The following VPS13B variants were observed in gnomAD, a reference collection of about 807,000 sequenced individuals.
VPS13B encodes the protein intermembrane lipid transfer protein VPS13B.
In VPS13B, 285 loss-of-function variants were observed where a neutral mutation model predicts 426.4. The observed-to-expected ratio is 0.67, with a 90% CI of 0.61 to 0.74. VPS13B has a LOEUF of 0.74. Ranked by LOEUF, VPS13B falls within the 30% of genes least tolerant of loss-of-function variation. The probability of loss-of-function intolerance (pLI) is 0.00; values close to 1 mark genes in which losing one functional copy is unlikely to be tolerated. For synonymous variants in VPS13B, 1,676 were observed against 1,676.4 expected, an observed-to-expected ratio of 1.00 and a Z score of 0.01; for missense variants, 4,537 against 4,782.6, an observed-to-expected ratio of 0.95 and a Z score of 1.51.
chr8:99,226,485 T>G lies in VPS13B; in HGVS notation c.2515+33428T>G, dbSNP rs181452000. 3.3e-3 allele frequency among the ~76,000 whole-genome samples: 501 copies of G among 152,316 alleles called. 3 individuals carry two copies. Among genetic ancestry groups the G allele is most frequent in the Non-Finnish European group, 4.9e-3 (336 of 68,026 alleles). ...CTTTTTTAAAGAAATTCATTAACACTTGAAATTTAGGTGATTTATTGTTTC... is the reference window on the plus strand; with the variant it reads ...CTTTTTTAAAGAAATTCATTAACACGTGAAATTTAGGTGATTTATTGTTTC... On this transcript the variant is annotated intron_variant, in intron 17 of 61. Coordinates refer to ENST00000357162, the MANE Select transcript of VPS13B (RefSeq NM_152564.5).
At chr8:99,668,116 G>T (rs1316769671) in intron 35 of VPS13B, among the ~76,000 whole-genome samples, 1 of 152,060 alleles carries the variant, frequency 6.6e-6, no homozygotes, top group East Asian at 1.9e-4. Flanking sequence ...TCATTCCAGA[G>T]AATGTCTTGA....
intron 54 of VPS13B, among the ~76,000 whole-genome samples, chr8:99,847,543 C>T (rs1816046328): frequency 6.6e-6 from 1 of 152,062 alleles, no homozygotes; most frequent in Admixed American, 6.6e-5. Flanking sequence ...TAGTGAGTGG[C>T]AGGCAAGGGC....
At chr8:99,138,406 C>T (rs1474828341) in intron 12 of VPS13B, among the ~76,000 whole-genome samples, 3 of 152,216 alleles carry the variant, frequency 2.0e-5, no homozygotes, top group African/African-American at 7.2e-5. Flanking sequence ...GGATTATAGG[C>T]GTGAGCCACC....
intron 25 of VPS13B, among the ~76,000 whole-genome samples, chr8:99,484,315 G>A (rs1203362452): frequency 6.6e-6 from 1 of 152,076 alleles, no homozygotes; most frequent in East Asian, 1.9e-4. Context: ...AATGCTCATA[G>A]TAGATTTGTT....
At chr8:99,076,027 T>C (rs1282553845) in intron 3 of VPS13B, among the ~76,000 whole-genome samples, 1 of 152,206 alleles carries the variant, frequency 6.6e-6, no homozygotes, top group East Asian at 1.9e-4. Context: ...AGTATCGCTT[T>C]TCTTGTATCT....
chr8:99,875,332 C>CAAAT lies in VPS13B; in HGVS notation c.11746-84_11746-81dup, dbSNP rs765849492. On this transcript the variant is annotated intron_variant, in intron 61 of 61. Coordinates refer to ENST00000357162, the MANE Select transcript of VPS13B (RefSeq NM_152564.5). Reference sequence around the variant, plus strand: ...TAGATGACCTAAAAGGCATAATGTACAAATATATCGAGGCAAAAGAACTAA... The same window carrying CAAAT: ...TAGATGACCTAAAAGGCATAATGTACAAATAAATATATCGAGGCAAAAGAACTAA... 2,928 of 1,581,700 alleles carry CAAAT rather than the reference C, an allele frequency of 1.9e-3. 7 individuals carry two copies. The highest frequency in any genetic ancestry group is 2.3e-3 in the Non-Finnish European group (2,615 of 1,155,284).
intron 28 of VPS13B, among the ~76,000 whole-genome samples, chr8:99,510,659 T>TA (rs1821741485): frequency 1.3e-5 from 2 of 152,104 alleles, no homozygotes; most frequent in Non-Finnish European, 2.9e-5. Flanking sequence ...TGTACTACCA[T>TA]GCCACCACAT....
intron 36 of VPS13B, 89 bp downstream of exon 36, chr8:99,700,021 A>T: frequency 6.7e-7 from 1 of 1,489,554 alleles, no homozygotes; most frequent in Non-Finnish European, 9.0e-7. Flanking sequence ...GATTTATATT[A>T]TGTAGAAGTT....
intron 23 of VPS13B, among the ~76,000 whole-genome samples, chr8:99,448,771 T>G (rs1298347502): frequency 6.6e-6 from 1 of 152,198 alleles, no homozygotes; most frequent in Non-Finnish European, 1.5e-5. Context: ...TGTGATATAT[T>G]TCATCTTCAG....
intron 36 of VPS13B, among the ~76,000 whole-genome samples, chr8:99,710,498 T>C (rs186862280): frequency 6.6e-6 from 1 of 152,258 alleles, no homozygotes; most frequent in Admixed American, 6.5e-5. Context: ...ATATTTAGTA[T>C]GTTTCCTGGG....
chr8:99,400,221 G>T (rs531757064), intron 21 of VPS13B, among the ~76,000 whole-genome samples: 5 of 151,998 alleles, frequency 3.3e-5, no homozygotes, highest in African/African-American at 1.2e-4. Context: ...CCTCACTCCC[G>T]TCCCACTTTT....
At chr8:99,259,917 A>G (rs1369203184) in intron 17 of VPS13B, among the ~76,000 whole-genome samples, 2 of 152,154 alleles carry the variant, frequency 1.3e-5, no homozygotes, top group African/African-American at 2.4e-5. Flanking sequence ...CAGTGGCCAA[A>G]TTCAACTTCT....
chr8:99,250,669 T>C (rs1202097875), intron 17 of VPS13B, among the ~76,000 whole-genome samples: 24 of 21,652 alleles, frequency 1.1e-3, no homozygotes, highest in Admixed American at 2.1e-3. Flanking sequence ...TTATTCTTTT[T>C]TTTTTTTTTT....
intron 2 of VPS13B, among the ~76,000 whole-genome samples, chr8:99,028,064 G>T (rs1032767375): frequency 6.6e-6 from 1 of 152,326 alleles, no homozygotes; most frequent in Admixed American, 6.5e-5. Flanking sequence ...CAAGGCAGAA[G>T]AATTTTTCTT....
At chr8:99,232,635 A>G (rs1353091426) in intron 17 of VPS13B, among the ~76,000 whole-genome samples, 1 of 152,214 alleles carries the variant, frequency 6.6e-6, no homozygotes, top group Non-Finnish European at 1.5e-5. Context: ...GTATCTTACC[A>G]TCGTCCCCTT....
rs147745245 is a variant in VPS13B, at chr8:99,315,871, C to T, written c.2824+40617C>T. Among the ~76,000 whole-genome samples, 617 of 152,204 alleles carry T rather than the reference C, an allele frequency of 4.1e-3. 11 individuals are homozygous for T. Among genetic ancestry groups the T allele is most frequent in the East Asian group, 0.025 (131 of 5,182 alleles). On this transcript the variant is annotated intron_variant, in intron 19 of 61. Coordinates refer to ENST00000357162, the MANE Select transcript of VPS13B (RefSeq NM_152564.5). Reference sequence around the variant, plus strand: ...TTTGGGAGGTGTCATATTTCTTTGCCTTTTGTATGTGTGTTTCTTTTGTTC... The same window carrying T: ...TTTGGGAGGTGTCATATTTCTTTGCTTTTTGTATGTGTGTTTCTTTTGTTC...
At chr8:99,841,242 G>GC (rs1189598947) in intron 54 of VPS13B, among the ~76,000 whole-genome samples, 2 of 151,950 alleles carry the variant, frequency 1.3e-5, no homozygotes, top group African/African-American at 4.8e-5. Context: ...CATAGCTTTA[G>GC]CTACTGCCTG....
At chr8:99,142,001 C>T (rs1469863474) in intron 12 of VPS13B, among the ~76,000 whole-genome samples, 6 of 151,874 alleles carry the variant, frequency 4.0e-5, no homozygotes, top group Non-Finnish European at 7.4e-5. Flanking sequence ...TTCAGTGAGC[C>T]GAGATCACGC....
intron 3 of VPS13B, among the ~76,000 whole-genome samples, chr8:99,081,635 C>T (rs867553335): frequency 7.4e-5 from 11 of 148,494 alleles, no homozygotes; most frequent in East Asian, 4.0e-4. Flanking sequence ...CAACAGGCCC[C>T]GGTGTGTGAT....
Sources: gnomAD v4.1 joint callset for allele counts (sites outside exome capture counted in the v4.1 genomes callset) on GRCh38, gnomAD v4.1.1 for gene constraint, MANE v1.5 for transcripts, NCBI Gene and HGNC (gene_info 2026-07-23, HGNC 2026-07-21) for gene names.